The following PPP1R9A variants were observed in gnomAD, a reference collection of about 807,000 sequenced individuals.
PPP1R9A encodes protein phosphatase 1 regulatory subunit 9A, also known as neurabin-1.
PPP1R9A carries 59 observed loss-of-function variants against 141.9 expected under a neutral mutation model. That is an observed-to-expected ratio of 0.42 (90% confidence interval 0.34 to 0.52). The LOEUF (loss-of-function observed/expected upper bound fraction) is 0.52. Ranked by LOEUF, PPP1R9A falls within the 20% of genes least tolerant of loss-of-function variation. The pLI is 0.10. For synonymous variants in PPP1R9A, 500 were observed against 569.7 expected, an observed-to-expected ratio of 0.88 and a Z score of 1.74; for missense variants, 1,444 against 1,611.9, an observed-to-expected ratio of 0.90 and a Z score of 1.78.
At chr7:94,955,471 TC>T (rs1796984818) in intron 2 of PPP1R9A, among the ~76,000 whole-genome samples, 1 of 152,112 alleles carries the variant, frequency 6.6e-6, no homozygotes, top group Non-Finnish European at 1.5e-5. Context: ...AAAATAGTTC[TC>T]CTATTTCTTT....
intron 10 of PPP1R9A, among the ~76,000 whole-genome samples, chr7:95,250,995 C>T (rs1343277093): frequency 6.6e-6 from 1 of 152,046 alleles, no homozygotes; most frequent in Non-Finnish European, 1.5e-5. Flanking sequence ...GTCTTCCATG[C>T]CAAGCCTCAG....
At chr7:95,061,698 T>C (rs1442610309) in intron 2 of PPP1R9A, among the ~76,000 whole-genome samples, 1 of 152,156 alleles carries the variant, frequency 6.6e-6, no homozygotes, top group Non-Finnish European at 1.5e-5. Flanking sequence ...ATTGTGCCAC[T>C]GCCCTCCAGC....
At chr7:95,219,261 T>G (rs910773426) in intron 7 of PPP1R9A, among the ~76,000 whole-genome samples, 31 of 152,098 alleles carry the variant, frequency 2.0e-4, no homozygotes, top group Non-Finnish European at 2.8e-4. Context: ...ATTCTGGGTT[T>G]AAAATTCTTT....
At chr7:94,999,696 A>G (rs1172072156) in intron 2 of PPP1R9A, among the ~76,000 whole-genome samples, 3 of 152,174 alleles carry the variant, frequency 2.0e-5, no homozygotes, top group African/African-American at 4.8e-5. Context: ...GAAATTGTTG[A>G]TCGTGTGCAA....
In PPP1R9A at chr7:95,018,108, G is replaced by A. The variant is rs1408456519; in HGVS notation, c.1396-93151G>A. ...AATGTGCTATTTAACATATTGGAAT[G>A]TGCAAACTTAATCATTGCCTAGAGA... On this transcript the variant is annotated intron_variant, in intron 2 of 19. Coordinates refer to ENST00000433360, the MANE Select transcript of PPP1R9A (RefSeq NM_001166160.2). 1.2e-5 allele frequency: 2 copies of A among 168,686 alleles called. 1 individual carries two copies. The highest frequency in any genetic ancestry group is 2.7e-5 in the Non-Finnish European group (2 of 73,384). The allele number at this position is 168,686 out of a possible 1,614,324, so 10.4% of individuals were successfully genotyped here.
intron 7 of PPP1R9A, among the ~76,000 whole-genome samples, chr7:95,224,164 C>G (rs1794827927): frequency 6.6e-6 from 1 of 152,094 alleles, no homozygotes; most frequent in Admixed American, 6.6e-5. Context: ...ATAGTTTAGA[C>G]ATTTTCAGAC....
chr7:94,926,587 C>T (rs1056185245), intron 2 of PPP1R9A, among the ~76,000 whole-genome samples: 13 of 152,214 alleles, frequency 8.5e-5, no homozygotes, highest in African/African-American at 2.9e-4. Context: ...ATTTAATTAA[C>T]TAAAAAATTT....
intron 5 of PPP1R9A, among the ~76,000 whole-genome samples, chr7:95,174,626 CTG>C (rs1832635812): frequency 6.6e-6 from 1 of 152,106 alleles, no homozygotes; most frequent in African/African-American, 2.4e-5. Flanking sequence ...GTGAAAAGGA[CTG>C]TGTCTCTTTA....
At chr7:94,915,207 A>G (rs75766802) in intron 2 of PPP1R9A, among the ~76,000 whole-genome samples, 3,761 of 152,294 alleles carry the variant, frequency 0.025, 161 homozygotes, top group African/African-American at 0.086. Flanking sequence ...GAGCTTCTTC[A>G]AACCTTACAT....
At chr7:95,104,081 T>C (rs546521517) in intron 2 of PPP1R9A, among the ~76,000 whole-genome samples, 4 of 152,326 alleles carry the variant, frequency 2.6e-5, no homozygotes, top group Non-Finnish European at 5.9e-5. Flanking sequence ...AGACAATGTA[T>C]TAACGTTAAG....
rs17166589 is a variant in PPP1R9A, at chr7:95,030,819, C to T, written c.1396-80440C>T. On this transcript the variant is annotated intron_variant, in intron 2 of 19. Coordinates refer to ENST00000433360, the MANE Select transcript of PPP1R9A (RefSeq NM_001166160.2). ...CATAAAGTATATTTCACCCACATAG[C>T]GTTTACCCAAGGGTGATATTCCAAA... Among the ~76,000 whole-genome samples the T allele has an allele frequency of 3.9e-3, 594 of 152,276 alleles. 23 individuals carry two copies. Among genetic ancestry groups the T allele is most frequent in the East Asian group, 0.036 (186 of 5,188 alleles).
At chr7:94,959,984 T>C (rs931808102) in intron 2 of PPP1R9A, among the ~76,000 whole-genome samples, 2 of 151,742 alleles carry the variant, frequency 1.3e-5, no homozygotes, top group African/African-American at 4.8e-5. Flanking sequence ...TATTTATTGA[T>C]AACAGGCATG....
intron 2 of PPP1R9A, chr7:95,018,427 A>G (rs1387811299): frequency 1.3e-5 from 2 of 158,216 alleles, no homozygotes; most frequent in African/African-American, 4.8e-5. Flanking sequence ...TGACATCACT[A>G]AGGCTCATGT....
intron 2 of PPP1R9A, among the ~76,000 whole-genome samples, chr7:94,959,227 A>G (rs1028274470): frequency 2.0e-5 from 3 of 151,914 alleles, no homozygotes; most frequent in African/African-American, 7.2e-5. Context: ...CTATAAAAGA[A>G]ATAGTCACTT....
intron 4 of PPP1R9A, among the ~76,000 whole-genome samples, chr7:95,141,939 C>A (rs926496792): frequency 2.0e-5 from 3 of 152,004 alleles, no homozygotes; most frequent in African/African-American, 7.2e-5. Context: ...GCCTTTTGAG[C>A]AACTACTAGA....
intron 5 of PPP1R9A, among the ~76,000 whole-genome samples, chr7:95,192,301 G>A (rs1835622022): frequency 6.6e-6 from 1 of 151,878 alleles, no homozygotes; most frequent in Admixed American, 6.6e-5. Context: ...TAATCAATAA[G>A]TAATGTATAA....
chr7:95,214,789 AT>A (rs1368705816), intron 7 of PPP1R9A, among the ~76,000 whole-genome samples: 1 of 152,082 alleles, frequency 6.6e-6, no homozygotes, highest in East Asian at 1.9e-4. Context: ...GCAAATAATG[AT>A]TTTTTTGGTC....
intron 8 of PPP1R9A, among the ~76,000 whole-genome samples, chr7:95,238,388 A>G (rs1204421800): frequency 6.6e-6 from 1 of 152,110 alleles, no homozygotes; most frequent in African/African-American, 2.4e-5. Flanking sequence ...CAGGGCCTGA[A>G]ATAGGCTATC....
intron 2 of PPP1R9A, among the ~76,000 whole-genome samples, chr7:95,015,378 A>G (rs1465731501): frequency 6.6e-6 from 1 of 152,130 alleles, no homozygotes; most frequent in Non-Finnish European, 1.5e-5. Flanking sequence ...AGGAAGCTTT[A>G]TCAAATATGT....
Sources: allele counts gnomAD v4.1 joint callset (sites outside exome capture counted in the v4.1 genomes callset), GRCh38; gene constraint gnomAD v4.1.1; transcripts MANE v1.5; gene names NCBI Gene and HGNC (gene_info 2026-07-23, HGNC 2026-07-21).